The following CSMD1 variants were observed in gnomAD, a reference collection of about 807,000 sequenced individuals.
CSMD1 encodes CUB and Sushi multiple domains 1.
In CSMD1, 213 loss-of-function variants were observed where a neutral mutation model predicts 417.5. That is an observed-to-expected ratio of 0.51 (90% CI 0.46 to 0.57). CSMD1 has a LOEUF of 0.57. CSMD1 is among the 20% of genes least tolerant of loss of function. The pLI, the probability that CSMD1 is intolerant of heterozygous loss-of-function variation, is 0.00. For missense variants in CSMD1, 6,923 were observed against 4,529.7 expected (o/e 1.53, Z -15.17); for synonymous variants, 2,862 against 1,736.8 (o/e 1.65, Z -16.11).
chr8:3,050,934 A>C (rs1811779897), intron 50 of CSMD1, among the ~76,000 whole-genome samples: 1 of 152,212 alleles, frequency 6.6e-6, no homozygotes, highest in Admixed American at 6.5e-5. Context: ...CATTGTAAAT[A>C]AGTAAAAAAA....
At chr8:4,254,942 T>C (rs1482851067) in intron 3 of CSMD1, among the ~76,000 whole-genome samples, 1 of 152,216 alleles carries the variant, frequency 6.6e-6, no homozygotes, top group Non-Finnish European at 1.5e-5. Flanking sequence ...AATCAACACA[T>C]GACTGGAGTG....
intron 5 of CSMD1, among the ~76,000 whole-genome samples, chr8:3,950,541 G>T (rs981302804): frequency 2.0e-5 from 3 of 152,226 alleles, no homozygotes. Context: ...CAGCATGACA[G>T]AGCCTCAATA....
intron 3 of CSMD1, among the ~76,000 whole-genome samples, chr8:4,136,292 CT>C (rs1172146994): frequency 6.6e-6 from 1 of 152,170 alleles, no homozygotes; most frequent in African/African-American, 2.4e-5. Flanking sequence ...CAGGGACCAT[CT>C]TTTTTTAGCT....
At chr8:3,821,771 G>A (rs982866527) in intron 5 of CSMD1, among the ~76,000 whole-genome samples, 1 of 152,136 alleles carries the variant, frequency 6.6e-6, no homozygotes, top group Non-Finnish European at 1.5e-5. Context: ...GACAGAGTGA[G>A]ACTCTGTCTC....
Position 3,096,930 on chromosome 8 carries a change from C to T in CSMD1, c.7057G>A (p.Val2353Met). ...NSQTCSWSIK[V>M]EPNYNITIFV... ...ATGGTAATGTTGTAGTTTGGTTCCA[C>T]TTTAATACTCCAAGAGCAAGTCTGG... The change falls in exon 47 of 70, where the codon GTG (valine) becomes ATG (methionine). Residue 2353 changes from valine (V) to methionine (M), a missense_variant. Coordinates refer to ENST00000635120, the MANE Select transcript of CSMD1 (RefSeq NM_033225.6). 6.4e-7 allele frequency: 1 copy of T among 1,556,448 alleles called. No individual in the cohort carries two copies. Among genetic ancestry groups the T allele is most frequent in the Non-Finnish European group, 8.7e-7 (1 of 1,148,868 alleles).
intron 7 of CSMD1, among the ~76,000 whole-genome samples, chr8:3,627,816 A>T (rs962378026): frequency 4.6e-5 from 7 of 152,182 alleles, no homozygotes; most frequent in Admixed American, 4.6e-4. Flanking sequence ...TTAGCTGATA[A>T]ATATATTAAG....
intron 3 of CSMD1, among the ~76,000 whole-genome samples, chr8:4,386,562 G>A (rs188513881): frequency 6.6e-6 from 1 of 152,178 alleles, no homozygotes. Context: ...AAATAAGTAA[G>A]ACCTATAAGA....
intron 1 of CSMD1, among the ~76,000 whole-genome samples, chr8:4,714,917 C>T (rs550673905): frequency 6.6e-6 from 1 of 152,292 alleles, no homozygotes; most frequent in African/African-American, 2.4e-5. Flanking sequence ...TGATCCATAG[C>T]AGACTTTTTG....
intron 1 of CSMD1, among the ~76,000 whole-genome samples, chr8:4,893,405 T>C (rs930915015): frequency 5.3e-5 from 8 of 152,100 alleles, no homozygotes; most frequent in African/African-American, 2.4e-5. Flanking sequence ...TTTTTCTTAA[T>C]GTTTATATTC....
intron 1 of CSMD1, among the ~76,000 whole-genome samples, chr8:4,725,676 G>A (rs1221531700): frequency 6.6e-6 from 1 of 152,114 alleles, no homozygotes. Context: ...ACAAATTCCA[G>A]CCTTGCTTTT....
intron 12 of CSMD1, among the ~76,000 whole-genome samples, chr8:3,427,412 A>G (rs1813920423): frequency 6.6e-6 from 1 of 152,230 alleles, no homozygotes; most frequent in Non-Finnish European, 1.5e-5. Context: ...AACTAATCAT[A>G]AAAATTTAAC....
intron 17 of CSMD1, among the ~76,000 whole-genome samples, chr8:3,394,616 G>C (rs1473630689): frequency 1.6e-5 from 1 of 62,756 alleles, no homozygotes; most frequent in Non-Finnish European, 3.0e-5. Flanking sequence ...AAGAAATTCT[G>C]GTGTAGAAAA....
chr8:3,762,831 A>AGCTG (rs763429858), intron 5 of CSMD1, among the ~76,000 whole-genome samples: 1 of 152,192 alleles, frequency 6.6e-6, no homozygotes, highest in Non-Finnish European at 1.5e-5. Context: ...TGTGTAAGGC[A>AGCTG]GCTGCCAGAG....
chr8:3,001,431 A>T (rs1807397359), intron 52 of CSMD1, among the ~76,000 whole-genome samples: 2 of 152,256 alleles, frequency 1.3e-5, no homozygotes, highest in African/African-American at 4.8e-5. Context: ...AAATTAACAA[A>T]ATATACAGGC....
rs530656322 is a variant in CSMD1 at position 4,531,645 on chromosome 8, C to A, written c.302+105697G>T. On this transcript the variant is annotated intron_variant, in intron 2 of 69. Coordinates refer to ENST00000635120, the MANE Select transcript of CSMD1 (RefSeq NM_033225.6). ...GCCCTCATGGTGCACCATGGCCCCACGCTAGCTCTGTGTGCTTATCTAGTT... is the reference window on the plus strand; with the variant it reads ...GCCCTCATGGTGCACCATGGCCCCAAGCTAGCTCTGTGTGCTTATCTAGTT... 2.0e-5 allele frequency among the ~76,000 whole-genome samples: 3 copies of A among 152,108 alleles called. No homozygotes were observed. The South Asian group carries it at 6.2e-4, about 31-fold the overall frequency.
intron 1 of CSMD1, among the ~76,000 whole-genome samples, chr8:4,912,737 G>C (rs1333386024): frequency 1.3e-5 from 2 of 152,124 alleles, no homozygotes; most frequent in African/African-American, 2.4e-5. Context: ...CTTTCTATTA[G>C]TTTGAAATTT....
intron 3 of CSMD1, among the ~76,000 whole-genome samples, chr8:4,136,601 G>T (rs967044799): frequency 6.6e-6 from 1 of 152,164 alleles, no homozygotes; most frequent in Non-Finnish European, 1.5e-5. Context: ...ATTCCAGCCA[G>T]CAAGAGAGGT....
In CSMD1 at chr8:3,468,805, G is replaced by C. The variant is rs1816926094; in HGVS notation, c.1468C>G (p.Pro490Ala). 1 of 1,600,048 alleles carries C rather than the reference G, an allele frequency of 6.2e-7. No individual in the cohort carries two copies. Among genetic ancestry groups the C allele is most frequent in the Non-Finnish European group, 8.5e-7 (1 of 1,173,344 alleles). Residue 490 changes from proline to alanine, a missense_variant, in exon 12 of 70, where the codon CCT becomes GCT. Physicochemically the swap from Pro to Ala is conservative, Grantham distance 27. Transcript: ENST00000635120. ...TTGCTCATGCTCACAATGAGGTCAG[G>C]AACACTGGATCCCGTGAGCCTGCAA... ...VLYVLTGSSV[P>A]DLIVSMSNQM... is the part of the protein sequence containing the mutation.
chr8:3,605,546 G>C (rs1051147133), intron 8 of CSMD1, among the ~76,000 whole-genome samples: 4 of 152,058 alleles, frequency 2.6e-5, no homozygotes, highest in African/African-American at 7.2e-5. Context: ...ACAACACATG[G>C]GCTATGGATT....
Sources: allele counts gnomAD v4.1 joint callset (sites outside exome capture counted in the v4.1 genomes callset), GRCh38; gene constraint gnomAD v4.1.1; transcripts MANE v1.5; gene names NCBI Gene and HGNC (gene_info 2026-07-23, HGNC 2026-07-21).